The following ADAM29 variants were observed in gnomAD, a reference collection of about 807,000 sequenced individuals.
ADAM29 encodes ADAM metallopeptidase domain 29.
For synonymous variants in ADAM29, 367 were observed against 342.3 expected (o/e 1.07, Z -0.80); for missense variants, 969 against 1,001.8 (o/e 0.97, Z 0.44).
intron 2 of ADAM29, among the ~76,000 whole-genome samples, chr4:174,929,906 G>A (rs1389978090): frequency 6.6e-6 from 1 of 151,522 alleles, no homozygotes; most frequent in Non-Finnish European, 1.5e-5. Context: ...ACAGGCGCAT[G>A]CTACGACACC....
intron 4 of ADAM29, among the ~76,000 whole-genome samples, chr4:174,957,685 G>A (rs1745582014): frequency 6.6e-6 from 1 of 151,320 alleles, no homozygotes; most frequent in African/African-American, 2.4e-5. Context: ...GGGCTGTTTG[G>A]GTACCCACAA....
At chr4:174,965,508 T>TATCTATCTATCTATCTATCTATC (rs1553977752) in intron 4 of ADAM29, among the ~76,000 whole-genome samples, 4 of 151,746 alleles carry the variant, frequency 2.6e-5, no homozygotes, top group African/African-American at 9.7e-5. Flanking sequence ...TCTATCTATC[T>TATCTATCTATCTATCTATCTATC]ATCTATCTAT....
intron 4 of ADAM29, among the ~76,000 whole-genome samples, chr4:174,964,153 T>C (rs1323933959): frequency 2.0e-5 from 3 of 152,058 alleles, no homozygotes; most frequent in Admixed American, 6.5e-5. Flanking sequence ...TGTGACTGCA[T>C]TTGGAGATAG....
At chr4:174,966,217 T>C (rs971812875) in intron 4 of ADAM29, among the ~76,000 whole-genome samples, 1 of 152,208 alleles carries the variant, frequency 6.6e-6, no homozygotes, top group African/African-American at 2.4e-5. Flanking sequence ...GCAATTTTTT[T>C]TCAAATGTGT....
intron 2 of ADAM29, among the ~76,000 whole-genome samples, chr4:174,924,563 A>G (rs952645740): frequency 6.6e-6 from 1 of 152,238 alleles, no homozygotes; most frequent in African/African-American, 2.4e-5. Flanking sequence ...GTCACAAGAT[A>G]GCCTTCAGTA....
At chr4:174,952,999 A>C (rs1403412353) in intron 4 of ADAM29, among the ~76,000 whole-genome samples, 1 of 152,168 alleles carries the variant, frequency 6.6e-6, no homozygotes. Flanking sequence ...ATCATTAAGA[A>C]TGCTAGGCTG....
chr4:174,976,256 T>C lies in ADAM29; in HGVS notation c.731T>C (p.Leu244Ser). ...TTGGATGTCATTGGTGTTAAGGTGT[T>C]ATTATTTGGTTTGGAGATCTGGACC... is the stretch of plus-strand genomic sequence containing the variant. ...SILDVIGVKV[L>S]LFGLEIWTNK... is the part of the protein sequence containing the mutation. Residue 244 changes from leucine (L) to serine (S), a missense_variant, in exon 5 of 5, where the codon TTA (leucine) becomes TCA (serine). Physicochemically the swap from Leu to Ser is moderately radical, Grantham distance 145. Coordinates refer to ENST00000359240, the MANE Select transcript of ADAM29 (RefSeq NM_014269.4). 1 of 1,608,540 alleles carries C rather than the reference T, an allele frequency of 6.2e-7. No homozygotes were observed. Among genetic ancestry groups the C allele is most frequent in the Non-Finnish European group, 8.5e-7 (1 of 1,178,138 alleles).
chr4:174,945,210 A>G lies in ADAM29; in HGVS notation c.-181+8197A>G, dbSNP rs188189710. On this transcript the variant is annotated intron_variant, in intron 4 of 4. Transcript: ENST00000359240. ...TAATAATACCCATACTGAACATAGT[A>G]TCTCATTGTGGTTTTGATTTGCATT... Among the ~76,000 whole-genome samples, 48 of 152,278 alleles carry G rather than the reference A, an allele frequency of 3.2e-4. 1 individual carries two copies. Among genetic ancestry groups the G allele is most frequent in the Admixed American group, 7.8e-4 (12 of 15,298 alleles).
intron 3 of ADAM29, among the ~76,000 whole-genome samples, chr4:174,934,862 T>C (rs886166921): frequency 1.3e-5 from 2 of 152,246 alleles, no homozygotes; most frequent in South Asian, 4.1e-4. Context: ...TATAATTAGA[T>C]GCAAAAAGAT....
intron 4 of ADAM29, among the ~76,000 whole-genome samples, chr4:174,960,453 A>G (rs1745747066): frequency 6.6e-6 from 1 of 152,108 alleles, no homozygotes; most frequent in South Asian, 2.1e-4. Flanking sequence ...AAAAGTATTT[A>G]GATTTGTTTG....
intron 4 of ADAM29, among the ~76,000 whole-genome samples, chr4:174,970,303 G>A (rs373943211): frequency 3.9e-5 from 6 of 152,100 alleles, no homozygotes; most frequent in African/African-American, 1.4e-4. Flanking sequence ...TTGTGAATCA[G>A]ATGACCCTAA....
chr4:174,978,060 AC>A lies in ADAM29; in HGVS notation c.*75del. 6.3e-7 allele frequency: 1 copy of A among 1,576,920 alleles called. No homozygotes were observed. Among genetic ancestry groups the A allele is most frequent in the South Asian group, 1.2e-5 (1 of 85,560 alleles). ...CCTCCCAGAGCCAACCTCGGGTGAC[AC>A]CCTCCCAGAGTCAACCTCATGTGAC... On this transcript the variant is annotated 3_prime_UTR_variant, in exon 5 of 5. Transcript: ENST00000359240.
chr4:174,937,438 G>A (rs1303541534), intron 4 of ADAM29, among the ~76,000 whole-genome samples: 6 of 151,808 alleles, frequency 4.0e-5, no homozygotes, highest in Admixed American at 2.0e-4. Flanking sequence ...CTCTTTTTCA[G>A]TTGTCAAAGT....
At chr4:174,958,726 CTTTT>C (rs371953866) in intron 4 of ADAM29, among the ~76,000 whole-genome samples, 10,773 of 151,696 alleles carry the variant, frequency 0.071, 533 homozygotes, top group Admixed American at 0.16. Context: ...TCTTGTTCTA[CTTTT>C]TTTGTTTTAA....
chr4:174,949,835 C>T (rs772197131), intron 4 of ADAM29, among the ~76,000 whole-genome samples: 23 of 152,248 alleles, frequency 1.5e-4, no homozygotes, highest in Non-Finnish European at 3.4e-4. Flanking sequence ...TCCTTTCCCC[C>T]TCACTTTCCT....
At chr4:174,931,481 T>G (rs1295060222) in intron 3 of ADAM29, 3 of 152,232 alleles carry the variant, frequency 2.0e-5, no homozygotes, top group Admixed American at 1.3e-4. Flanking sequence ...ATCCTTTAGA[T>G]AAATTGTCTC....
At chr4:174,947,632 A>AATTTTCTG (rs575566222) in intron 4 of ADAM29, among the ~76,000 whole-genome samples, 105 of 152,210 alleles carry the variant, frequency 6.9e-4, no homozygotes, top group African/African-American at 2.4e-3. Flanking sequence ...TTAGTTGTTT[A>AATTTTCTG]ATTTTCTGAG....
At chr4:174,951,897 G>A (rs1296520228) in intron 4 of ADAM29, among the ~76,000 whole-genome samples, 7 of 152,054 alleles carry the variant, frequency 4.6e-5, no homozygotes, top group Non-Finnish European at 1.0e-4. Flanking sequence ...TTGGTTAAAG[G>A]ATGCAAAATT....
intron 3 of ADAM29, among the ~76,000 whole-genome samples, chr4:174,935,490 C>A (rs564409657): frequency 6.6e-6 from 1 of 152,036 alleles, no homozygotes; most frequent in Non-Finnish European, 1.5e-5. Flanking sequence ...CTACCCCATT[C>A]ATAGTGAACG....
Sources: allele counts gnomAD v4.1 joint callset (sites outside exome capture counted in the v4.1 genomes callset), GRCh38; gene constraint gnomAD v4.1.1; transcripts MANE v1.5; gene names NCBI Gene and HGNC (gene_info 2026-07-23, HGNC 2026-07-21).